Variants in ARHGAP22 observed in about 807,000 individuals in gnomAD.
ARHGAP22 encodes the protein Rho GTPase activating protein 22, also known as rho GTPase-activating protein 22.
A neutral mutation model predicts 59.1 loss-of-function variants in ARHGAP22; 48 were observed. The ratio of observed to expected loss-of-function variants is 0.81; its 90% CI spans 0.64 to 1.03. The LOEUF is 1.03. Among genes scored for constraint, ARHGAP22 ranks in the 50% least tolerant of loss-of-function variants. The probability of loss-of-function intolerance (pLI) is 0.00; values close to 1 mark genes in which losing one functional copy is unlikely to be tolerated. For missense variants in ARHGAP22, 1,015 were observed against 958.7 expected (o/e 1.06, Z -0.78); for synonymous variants, 445 against 416.4 (o/e 1.07, Z -0.84).
At chr10:48,650,568 C>A (rs1436986148) in intron 1 of ARHGAP22, among the ~76,000 whole-genome samples, 1 of 152,200 alleles carries the variant, frequency 6.6e-6, no homozygotes, top group Non-Finnish European at 1.5e-5. Context: ...ATGTTATATA[C>A]ATTTCATCTT....
intron 3 of ARHGAP22, among the ~76,000 whole-genome samples, chr10:48,529,553 A>T (rs2054628670): frequency 6.6e-6 from 1 of 152,166 alleles, no homozygotes; most frequent in Admixed American, 6.5e-5. Flanking sequence ...CAATGTGGAG[A>T]GGCCAAATGG....
At chr10:48,554,973 G>A (rs143503983) in intron 3 of ARHGAP22, among the ~76,000 whole-genome samples, 121 of 152,284 alleles carry the variant, frequency 7.9e-4, no homozygotes, top group African/African-American at 2.6e-3. Context: ...CATTAACAAC[G>A]ACATTGTCAA....
At chr10:48,643,760 A>T (rs1259173507) in intron 1 of ARHGAP22, among the ~76,000 whole-genome samples, 73 of 141,338 alleles carry the variant, frequency 5.2e-4, no homozygotes, top group African/African-American at 1.7e-3. Context: ...ATTAAAAAAA[A>T]AAAAATATAT....
chr10:48,552,192 G>A (rs1436462628), intron 3 of ARHGAP22, among the ~76,000 whole-genome samples: 2 of 152,274 alleles, frequency 1.3e-5, no homozygotes, highest in Non-Finnish European at 2.9e-5. Context: ...ATTTCCAAGA[G>A]TTGTCAAGTT....
At chr10:48,464,770 A>G (rs1454124061) in intron 4 of ARHGAP22, among the ~76,000 whole-genome samples, 1 of 152,098 alleles carries the variant, frequency 6.6e-6, no homozygotes, top group Non-Finnish European at 1.5e-5. Context: ...CTCTCCATCT[A>G]TGAAATCTAT....
the ARHGAP22 span, chr10:48,438,092 AAC>A: frequency 2.0e-5 from 3 of 152,238 alleles, no homozygotes; most frequent in Admixed American, 1.3e-4. Flanking sequence ...TTGAGGTTAG[AAC>A]ATAGAATATT....
At chr10:48,480,150 G>A (rs1029980941) in intron 3 of ARHGAP22, among the ~76,000 whole-genome samples, 6 of 152,218 alleles carry the variant, frequency 3.9e-5, no homozygotes, top group African/African-American at 1.4e-4. Context: ...ACAGTTAAAC[G>A]TCACTATGTG....
At chr10:48,489,859 G>A (rs1267524921) in intron 3 of ARHGAP22, among the ~76,000 whole-genome samples, 1 of 149,900 alleles carries the variant, frequency 6.7e-6, no homozygotes, top group East Asian at 2.0e-4. Flanking sequence ...TCAGCCTCCC[G>A]AGTAGCTGGG....
chr10:48,626,629 T>C lies in ARHGAP22; in HGVS notation c.52+25605A>G, dbSNP rs573165801. ...ATAACAAACTCTGCATGAAGCCCAA[T>C]ATCCAGCCCTGTGGAATGTGCCCTC... On this transcript the variant is annotated intron_variant, in intron 1 of 9. Transcript: ENST00000435790. Among the ~76,000 whole-genome samples, 3 of 152,282 alleles carry C rather than the reference T, an allele frequency of 2.0e-5. No individual in the cohort carries two copies. In the East Asian group the frequency reaches 5.8e-4, roughly 29 times the overall value.
intron 4 of ARHGAP22, chr10:48,466,779 G>A (rs563096308): frequency 1.6e-3 from 241 of 151,474 alleles, no homozygotes; most frequent in African/African-American, 5.6e-3. Flanking sequence ...CCCCAGGCCC[G>A]GACCCTGAGG....
At chr10:48,478,092 G>A (rs545616549) in intron 4 of ARHGAP22, among the ~76,000 whole-genome samples, 16 of 152,138 alleles carry the variant, frequency 1.1e-4, no homozygotes, top group Non-Finnish European at 2.1e-4. Context: ...AGTGCCACCT[G>A]TCATACATCA....
chr10:48,563,262 T>C (rs1199787291), intron 2 of ARHGAP22, among the ~76,000 whole-genome samples: 3 of 140,472 alleles, frequency 2.1e-5, no homozygotes, highest in African/African-American at 5.3e-5. Context: ...GGCGCAATCT[T>C]GGCTCACTAC....
intron 4 of ARHGAP22, among the ~76,000 whole-genome samples, chr10:48,478,584 C>T (rs1485921160): frequency 2.6e-5 from 4 of 152,244 alleles, no homozygotes; most frequent in Non-Finnish European, 2.9e-5. Flanking sequence ...GGTCAGAGCC[C>T]AGCCAGCTTT....
chr10:48,599,690 G>A (rs1564973344), intron 1 of ARHGAP22, among the ~76,000 whole-genome samples: 2 of 152,202 alleles, frequency 1.3e-5, no homozygotes, highest in East Asian at 3.8e-4. Context: ...TCCACAGGGT[G>A]CCCACTGCTC....
chr10:48,433,651 C>A, the ARHGAP22 span, among the ~76,000 whole-genome samples: 1 of 152,102 alleles, frequency 6.6e-6, no homozygotes, highest in Admixed American at 6.6e-5. Context: ...TATCCCAGTC[C>A]CCTCCCTAAA....
chr10:48,551,998 C>A (rs577656205), intron 3 of ARHGAP22, among the ~76,000 whole-genome samples: 17 of 152,378 alleles, frequency 1.1e-4, no homozygotes, highest in Admixed American at 6.5e-4. Flanking sequence ...ACAGGGCCTG[C>A]ACTTTCTGGC....
At chr10:48,607,778 G>T (rs545857380), upstream of ARHGAP22, among the ~76,000 whole-genome samples, 1 of 152,304 alleles carries the variant, frequency 6.6e-6, no homozygotes, top group African/African-American at 2.4e-5. Context: ...TTCCAGCAGT[G>T]GTCCTAGGTC....
At chr10:48,520,064 C>A (rs1485468532) in intron 3 of ARHGAP22, among the ~76,000 whole-genome samples, 1 of 152,182 alleles carries the variant, frequency 6.6e-6, no homozygotes, top group Non-Finnish European at 1.5e-5. Context: ...GAGCCATCAG[C>A]CATTGGTTGT....
intron 3 of ARHGAP22, among the ~76,000 whole-genome samples, chr10:48,502,620 A>G (rs1368225273): frequency 6.6e-6 from 1 of 152,186 alleles, no homozygotes; most frequent in African/African-American, 2.4e-5. Context: ...GTGTTTGCAC[A>G]TGCTGGTGCC....
Sources: allele counts gnomAD v4.1 joint callset (sites outside exome capture counted in the v4.1 genomes callset), GRCh38; gene constraint gnomAD v4.1.1; transcripts MANE v1.5; gene names NCBI Gene and HGNC (gene_info 2026-07-23, HGNC 2026-07-21).